RBM19: variants seen among roughly 807,000 people sequenced by gnomAD.
RBM19 encodes probable RNA-binding protein 19.
Under a neutral mutation model 116.8 loss-of-function variants are expected in RBM19, and 94 were observed. The ratio of observed to expected loss-of-function variants is 0.80; its 90% CI spans 0.68 to 0.95. RBM19 has a LOEUF of 0.95. Among genes scored for constraint, RBM19 ranks in the 40% least tolerant of loss-of-function variants. RBM19 has a pLI of 0.00. For synonymous variants in RBM19, 475 were observed against 494.1 expected (o/e 0.96, Z 0.51); for missense variants, 1,161 against 1,220.7 (o/e 0.95, Z 0.73).
intron 18 of RBM19, among the ~76,000 whole-genome samples, chr12:113,923,763 C>G (rs944221460): frequency 1.3e-5 from 2 of 152,214 alleles, no homozygotes; most frequent in African/African-American, 4.8e-5. Flanking sequence ...GGACGCCTGT[C>G]CCTGCCATCC....
At chr12:113,854,454 C>T (rs1420282735) in intron 22 of RBM19, among the ~76,000 whole-genome samples, 2 of 152,066 alleles carry the variant, frequency 1.3e-5, no homozygotes, top group East Asian at 1.9e-4. Flanking sequence ...CTTCCTACAC[C>T]ACCCCCATTC....
intron 21 of RBM19, among the ~76,000 whole-genome samples, chr12:113,883,563 T>C (rs763701410): frequency 2.6e-5 from 4 of 152,264 alleles, no homozygotes; most frequent in Non-Finnish European, 4.4e-5. Flanking sequence ...AGACAGCTAT[T>C]ATCTTCTATA....
chr12:113,959,490 C>T (rs548891918), intron 4 of RBM19, 86 bp from the exon 5 acceptor site: 1 of 1,407,914 alleles, frequency 7.1e-7, no homozygotes, highest in South Asian at 1.3e-5. Flanking sequence ...CTTGATCTTT[C>T]TAACTCTTAA....
At chr12:113,939,675 G>C (rs1225962997) in intron 15 of RBM19, among the ~76,000 whole-genome samples, 1 of 151,760 alleles carries the variant, frequency 6.6e-6, no homozygotes, top group Non-Finnish European at 1.5e-5. Context: ...GCGTGAACCC[G>C]GGAGGCGGAG....
At chr12:113,819,654 G>A (rs560245877), downstream of RBM19, among the ~76,000 whole-genome samples, 6 of 152,256 alleles carry the variant, frequency 3.9e-5, no homozygotes, top group South Asian at 1.2e-3. Context: ...GAAAGCTCCC[G>A]TGTCCCCCTC....
intron 6 of RBM19, 119 bp from the exon 7 acceptor site, chr12:113,955,330 G>T (rs900919535): frequency 7.4e-6 from 7 of 941,382 alleles, no homozygotes; most frequent in Non-Finnish European, 1.2e-5. Flanking sequence ...GGGAGCTGGG[G>T]AATGCTGGGA....
At chr12:113,838,530 C>G (rs186563581) in intron 23 of RBM19, among the ~76,000 whole-genome samples, 1 of 152,346 alleles carries the variant, frequency 6.6e-6, no homozygotes, top group East Asian at 1.9e-4. Context: ...AAACTGCACA[C>G]AGACAGTGGC....
At chr12:113,837,228 T>G (rs916304716) in intron 23 of RBM19, among the ~76,000 whole-genome samples, 6 of 116,188 alleles carry the variant, frequency 5.2e-5, no homozygotes, top group African/African-American at 2.1e-4. Flanking sequence ...TGCCCAGGCT[T>G]ATAACCCATC....
intron 23 of RBM19, among the ~76,000 whole-genome samples, chr12:113,832,172 C>T (rs1477954061): frequency 1.3e-5 from 2 of 151,034 alleles, no homozygotes; most frequent in African/African-American, 4.9e-5. Flanking sequence ...ACCCTGAACA[C>T]AAAAAGTTAT....
chr12:113,838,290 G>T (rs769802704), intron 23 of RBM19, among the ~76,000 whole-genome samples: 2 of 152,244 alleles, frequency 1.3e-5, no homozygotes, highest in Admixed American at 6.5e-5. Context: ...CCCACATGGG[G>T]TGAACACACA....
chr12:113,833,741 T>G (rs1044025131), intron 23 of RBM19, among the ~76,000 whole-genome samples: 2 of 152,204 alleles, frequency 1.3e-5, no homozygotes, highest in African/African-American at 2.4e-5. Context: ...CTATCCTTTC[T>G]TTTCTTTTCG....
chr12:113,935,473 GGA>G (rs1376538735), intron 16 of RBM19, among the ~76,000 whole-genome samples: 1 of 152,176 alleles, frequency 6.6e-6, no homozygotes, highest in Non-Finnish European at 1.5e-5. Context: ...CAAACTGAGT[GGA>G]GAGAGCTTAA....
chr12:113,916,816 T>C (rs1449979615), intron 20 of RBM19, among the ~76,000 whole-genome samples: 4 of 152,174 alleles, frequency 2.6e-5, no homozygotes, highest in South Asian at 2.1e-4. Context: ...CTAGCCGACA[T>C]CCTGACTGTA....
chr12:113,951,987 C>T (rs796521254), intron 8 of RBM19, among the ~76,000 whole-genome samples: 13 of 152,344 alleles, frequency 8.5e-5, no homozygotes, highest in African/African-American at 2.6e-4. Flanking sequence ...GAAGTAGGCA[C>T]GGACAGGTGC....
At chr12:113,844,284 G>A (rs929105290) in intron 23 of RBM19, among the ~76,000 whole-genome samples, 9 of 152,190 alleles carry the variant, frequency 5.9e-5, no homozygotes, top group Non-Finnish European at 1.0e-4. Context: ...CCTGCCCTGC[G>A]GACACCGGAA....
At chr12:113,838,077 T>C (rs1034515768) in intron 23 of RBM19, among the ~76,000 whole-genome samples, 1 of 152,198 alleles carries the variant, frequency 6.6e-6, no homozygotes, top group African/African-American at 2.4e-5. Flanking sequence ...AAGATAATGA[T>C]TTACCCAACG....
chr12:113,858,308 A>C (rs953425273), intron 22 of RBM19, among the ~76,000 whole-genome samples: 1 of 152,246 alleles, frequency 6.6e-6, no homozygotes, highest in Non-Finnish European at 1.5e-5. Flanking sequence ...GGCTGCCCTC[A>C]CAGATAACCA....
At chr12:113,910,808 TG>T (rs61667708) in intron 21 of RBM19, among the ~76,000 whole-genome samples, 10,388 of 152,112 alleles carry the variant, frequency 0.068, 743 homozygotes, top group East Asian at 0.39. Context: ...GCTTTTGAAA[TG>T]GGGGTGGAAA....
intron 21 of RBM19, among the ~76,000 whole-genome samples, chr12:113,864,607 G>C (rs1279308106): frequency 6.6e-6 from 1 of 152,154 alleles, no homozygotes; most frequent in East Asian, 1.9e-4. Flanking sequence ...TGTGGCCAAG[G>C]GCCCCAGTTG....
Sources: gnomAD v4.1 joint callset for allele counts (sites outside exome capture counted in the v4.1 genomes callset) on GRCh38, gnomAD v4.1.1 for gene constraint, MANE v1.5 for transcripts, NCBI Gene and HGNC (gene_info 2026-07-23, HGNC 2026-07-21) for gene names.